The following CSNK1G1 variants were observed in gnomAD, a reference collection of about 807,000 sequenced individuals.
The protein encoded by CSNK1G1 is casein kinase 1 gamma 1, also known as casein kinase I isoform gamma-1.
In CSNK1G1, 22 loss-of-function variants were observed where a neutral mutation model predicts 59.6. The ratio of observed to expected loss-of-function variants is 0.37; its 90% CI spans 0.26 to 0.53. The LOEUF is 0.53. CSNK1G1 is among the 20% of genes least tolerant of loss of function. CSNK1G1 has a pLI of 0.89. For missense variants in CSNK1G1, 384 were observed against 519.5 expected (o/e 0.74, Z 2.54); for synonymous variants, 179 against 177.1 (o/e 1.01, Z -0.08).
chr15:64,234,382 T>C (rs978071173), intron 4 of CSNK1G1, among the ~76,000 whole-genome samples: 1 of 152,204 alleles, frequency 6.6e-6, no homozygotes, highest in Non-Finnish European at 1.5e-5. Flanking sequence ...CCTGAGAGCA[T>C]AAAAGTTAGG....
chr15:64,172,234 G>A (rs2081678594), intron 11 of CSNK1G1, among the ~76,000 whole-genome samples: 1 of 152,196 alleles, frequency 6.6e-6, no homozygotes, highest in Non-Finnish European at 1.5e-5. Flanking sequence ...GCTAGGCAGG[G>A]CTGAAATAGG....
At chr15:64,353,646 C>CAA (rs11301406) in intron 1 of CSNK1G1, among the ~76,000 whole-genome samples, 12 of 113,372 alleles carry the variant, frequency 1.1e-4, no homozygotes, top group South Asian at 2.8e-4. Context: ...GACTCCATTT[C>CAA]AAAAAAAAAA....
At chr15:64,202,548 CTTT>C (rs869164024) in intron 10 of CSNK1G1, among the ~76,000 whole-genome samples, 8 of 139,886 alleles carry the variant, frequency 5.7e-5, no homozygotes, top group Admixed American at 1.4e-4. Context: ...GGCCCACACA[CTTT>C]TTTTTTTTTT....
At chr15:64,353,341 A>G (rs1198913056) in intron 1 of CSNK1G1, among the ~76,000 whole-genome samples, 2 of 152,080 alleles carry the variant, frequency 1.3e-5, no homozygotes, top group Non-Finnish European at 2.9e-5. Context: ...TTAAATCCAC[A>G]AAACAAATGA....
chr15:64,280,670 A>G (rs1184673382), intron 2 of CSNK1G1, among the ~76,000 whole-genome samples: 1 of 151,444 alleles, frequency 6.6e-6, no homozygotes, highest in Non-Finnish European at 1.5e-5. Context: ...CCCTTTTCTC[A>G]TATTTTATCT....
In CSNK1G1 at chr15:64,211,429, T is replaced by C. The variant is rs1242588038; in HGVS notation, c.679+2461A>G. ...TCTGTAATGCAGAGAGCACAAAATA[T>C]GATGACAGGTTAGATTTGACCTGAA... is the stretch of plus-strand genomic sequence containing the variant. On this transcript the variant is annotated intron_variant, in intron 6 of 11. Transcript: ENST00000303052. 2.0e-5 allele frequency among the ~76,000 whole-genome samples: 3 copies of C among 152,310 alleles called. No individual in the cohort carries two copies. In the East Asian group the frequency reaches 5.8e-4, roughly 29 times the overall value.
At chr15:64,195,315 A>G (rs896631764) in intron 10 of CSNK1G1, among the ~76,000 whole-genome samples, 5 of 152,238 alleles carry the variant, frequency 3.3e-5, no homozygotes, top group African/African-American at 1.2e-4. Flanking sequence ...CTAACCTGCT[A>G]GTTACTAAGT....
At chr15:64,259,376 C>A in intron 2 of CSNK1G1, 135 bp from the exon 3 acceptor site, 25 of 575,224 alleles carry the variant, frequency 4.3e-5, no homozygotes, top group Admixed American at 1.1e-4. Flanking sequence ...GATTTATAAG[C>A]GAAAAGCTAC....
chr15:64,341,408 G>T (rs1308902835), intron 1 of CSNK1G1, among the ~76,000 whole-genome samples: 1 of 151,896 alleles, frequency 6.6e-6, no homozygotes, highest in Non-Finnish European at 1.5e-5. Flanking sequence ...AAAGTGCTGG[G>T]AATACAGGCG....
At chr15:64,330,572 C>A (rs1221515836) in intron 1 of CSNK1G1, among the ~76,000 whole-genome samples, 1 of 65,860 alleles carries the variant, frequency 1.5e-5, no homozygotes, top group Non-Finnish European at 2.8e-5. Flanking sequence ...CAATATCATA[C>A]TGAATGGGCA....
chr15:64,258,879 G>T (rs1725674673), intron 3 of CSNK1G1, among the ~76,000 whole-genome samples: 2 of 152,080 alleles, frequency 1.3e-5, no homozygotes, highest in South Asian at 4.2e-4. Context: ...TAAAATTTTT[G>T]AATGATTTTA....
chr15:64,292,342 A>G (rs1460068956), intron 2 of CSNK1G1, among the ~76,000 whole-genome samples: 1 of 152,246 alleles, frequency 6.6e-6, no homozygotes, highest in Non-Finnish European at 1.5e-5. Flanking sequence ...TTACTTTAGA[A>G]GCCATGCAGG....
chr15:64,298,285 T>G (rs1028137273), intron 2 of CSNK1G1, among the ~76,000 whole-genome samples: 1 of 152,252 alleles, frequency 6.6e-6, no homozygotes, highest in African/African-American at 2.4e-5. Context: ...AACAATTGTC[T>G]GATGTTTTGA....
Position 64,300,645 on chromosome 15 carries a change from C to T in CSNK1G1, c.-146G>A, listed in dbSNP as rs189514764. 1.3e-4 allele frequency: 165 copies of T among 1,302,142 alleles called. No homozygotes were observed. The highest frequency in any genetic ancestry group is 9.3e-5 in the Non-Finnish European group (95 of 1,021,306). The allele number at this position is 1,302,142 out of a possible 1,614,324, so 80.7% of individuals were successfully genotyped here. A position where few individuals can be genotyped will look rare whatever the true frequency, so the allele number is the denominator to read the frequency against. On this transcript the variant is annotated 5_prime_UTR_variant, in exon 2 of 12. Transcript: ENST00000303052. ...ACCATATTTGTTTGTAATGTATCTC[C>T]GGGAGATGAAAAACCATTTATTTGT...
At chr15:64,191,306 C>T (rs751756343) in intron 10 of CSNK1G1, among the ~76,000 whole-genome samples, 1 of 152,100 alleles carries the variant, frequency 6.6e-6, no homozygotes, top group Non-Finnish European at 1.5e-5. Context: ...ATGATCTGCC[C>T]GCCTCGGCCT....
chr15:64,242,411 A>G (rs1284341214), intron 4 of CSNK1G1, among the ~76,000 whole-genome samples: 1 of 152,030 alleles, frequency 6.6e-6, no homozygotes, highest in African/African-American at 2.4e-5. Flanking sequence ...CCCGACTCCC[A>G]GTCACTCTTC....
At position 64,221,560 on chromosome 15, in the gene CSNK1G1, T is replaced by C. The variant is rs868340118; in HGVS notation, c.293-4847A>G. ...GCAACTTCTAGACCACTGAGTGGTT[T>C]TGAAGCATTTCTAGGAGAGGGTCAA... On this transcript the variant is annotated intron_variant, in intron 4 of 11. Coordinates refer to ENST00000303052, the MANE Select transcript of CSNK1G1 (RefSeq NM_022048.5). Among the ~76,000 whole-genome samples, 9 of 151,936 alleles carry C rather than the reference T, an allele frequency of 5.9e-5. 1 individual carries two copies. Among genetic ancestry groups the C allele is most frequent in the African/African-American group, 1.9e-4 (8 of 41,446 alleles).
At position 64,203,212 on chromosome 15, in the gene CSNK1G1, C is replaced by A; in HGVS notation, c.1000-23G>T. 2.0e-6 allele frequency: 3 copies of A among 1,520,406 alleles called. No homozygotes were observed. The South Asian group carries it at 3.4e-5, about 17-fold the overall frequency. 94.2% of individuals were successfully genotyped at this position (1,520,406 alleles called of 1,614,324 possible). On this transcript the variant is annotated intron_variant, in intron 9 of 11. Transcript: ENST00000303052. Reference sequence around the variant, plus strand: ...AGGCTAGAAAAATGAAACAAAAAGTCAAATGGGGGAAACAGGTCCAACTTG... The same window carrying A: ...AGGCTAGAAAAATGAAACAAAAAGTAAAATGGGGGAAACAGGTCCAACTTG...
intron 4 of CSNK1G1, among the ~76,000 whole-genome samples, chr15:64,249,198 C>T (rs1891938036): frequency 1.3e-5 from 2 of 152,102 alleles, no homozygotes; most frequent in African/African-American, 2.4e-5. Context: ...ACTGGACTTT[C>T]CCACATTAAA....
Sources: gnomAD v4.1 joint callset for allele counts (sites outside exome capture counted in the v4.1 genomes callset) on GRCh38, gnomAD v4.1.1 for gene constraint, MANE v1.5 for transcripts, NCBI Gene and HGNC (gene_info 2026-07-23, HGNC 2026-07-21) for gene names.